OVOL1: variants seen among roughly 807,000 people sequenced by gnomAD.
The protein encoded by OVOL1 is ovo like transcriptional repressor 1.
Under a neutral mutation model 21.5 loss-of-function variants are expected in OVOL1, and 10 were observed. The ratio of observed to expected loss-of-function variants is 0.46; its 90% CI spans 0.29 to 0.79. The LOEUF is 0.79. Ranked by LOEUF, OVOL1 falls within the 30% of genes least tolerant of loss-of-function variation. OVOL1 has a pLI of 0.10. For missense variants in OVOL1, 279 were observed against 362.3 expected (o/e 0.77, Z 1.87); for synonymous variants, 129 against 150.3 (o/e 0.86, Z 1.03).
intron 1 of OVOL1, among the ~76,000 whole-genome samples, chr11:65,788,212 C>T (rs1857942210): frequency 6.6e-6 from 1 of 152,248 alleles, no homozygotes; most frequent in Admixed American, 6.5e-5. Context: ...GAGCCCACCC[C>T]ACAGCGGAGG....
chr11:65,789,487 A>G (rs1429658159), intron 1 of OVOL1: 1 of 160,820 alleles, frequency 6.2e-6, no homozygotes, highest in Non-Finnish European at 1.3e-5. Flanking sequence ...TTTACCTCTG[A>G]AAGTCATGTG....
chr11:65,789,228 A>ACTTCCACTGTGGC, intron 1 of OVOL1: 1 of 293,786 alleles, frequency 3.4e-6, no homozygotes, highest in Non-Finnish European at 5.1e-6. Context: ...TCCAGTGGCC[A>ACTTCCACTGTGGC]CAGTGGAAGT....
At chr11:65,787,987 G>C (rs4930319) in intron 1 of OVOL1, among the ~76,000 whole-genome samples, 42,925 of 152,028 alleles carry the variant, frequency 0.28, 7,169 homozygotes, top group South Asian at 0.37. Context: ...CTGGTGGCCG[G>C]GTCGGAGTGA....
chr11:65,787,457 C>G lies in OVOL1; in HGVS notation c.84C>G (p.Gly28=). 2 of 1,576,316 alleles carry G rather than the reference C, an allele frequency of 1.3e-6. No homozygotes were observed. The highest frequency in any genetic ancestry group is 1.7e-6 in the Non-Finnish European group (2 of 1,161,106). The change falls in exon 1 of 4, where the codon GGC becomes GGG. Residue 28 remains glycine, a synonymous_variant. Coordinates refer to ENST00000335987, the MANE Select transcript of OVOL1 (RefSeq NM_004561.4). ...NWSELPDEER[G]EIYVPVSLGF... The stretch of plus-strand genomic sequence containing the variant: ...GCGAGCTCCCCGACGAGGAGCGCGG[C>G]GAGATCTACGTGCCAGGTGAGGCTC...
chr11:65,794,912 G>A, intron 3 of OVOL1, 134 bp from the exon 4 acceptor site: 1 of 1,020,386 alleles, frequency 9.8e-7, no homozygotes, highest in Non-Finnish European at 1.4e-6. Flanking sequence ...CACTCGGGAA[G>A]TTGGTGTTGG....
intron 1 of OVOL1, chr11:65,788,483 G>C: frequency 2.0e-6 from 2 of 984,556 alleles, no homozygotes; most frequent in Non-Finnish European, 2.4e-6. Flanking sequence ...AGGGGGGAGG[G>C]GAGGAGTAAT....
chr11:65,794,374 AGAG>A lies in OVOL1; in HGVS notation c.318+130_318+132del. 4 of 1,114,210 alleles carry A rather than the reference AGAG, an allele frequency of 3.6e-6. No individual in the cohort carries two copies. In the South Asian group the frequency reaches 4.3e-5, roughly 12 times the overall value. The allele number at this position is 1,114,210 out of a possible 1,614,324, so 69.0% of individuals were successfully genotyped here. ...CTGGGACCTGGGCCAAGGTTTCTGC[AGAG>A]GAGTGCCGATCTCCGGGCAGACGGC... is the stretch of plus-strand genomic sequence containing the variant. On this transcript the variant is annotated intron_variant, in intron 2 of 3. Coordinates refer to ENST00000335987, the MANE Select transcript of OVOL1 (RefSeq NM_004561.4).
Position 65,795,255 on chromosome 11 carries a change from C to G in OVOL1, c.718C>G (p.Pro240Ala). 1.2e-6 allele frequency: 2 copies of G among 1,613,600 alleles called. No homozygotes were observed. Among genetic ancestry groups the G allele is most frequent in the Non-Finnish European group, 1.7e-6 (2 of 1,180,008 alleles). ...LHLKEHHPDSPLLRKTSKKVA... is the reference protein window; with the variant it reads ...LHLKEHHPDSALLRKTSKKVA... Reference sequence around the variant, plus strand: ...CCTGAAGGAGCACCACCCTGACAGCCCGCTGCTGCGCAAGACCTCCAAGAA... The same window carrying G: ...CCTGAAGGAGCACCACCCTGACAGCGCGCTGCTGCGCAAGACCTCCAAGAA... Residue 240 changes from proline to alanine, a missense_variant, in exon 4 of 4, where the codon CCG becomes GCG. Physicochemically the swap from Pro to Ala is conservative, Grantham distance 27 (BLOSUM62 -1). Coordinates refer to ENST00000335987, the MANE Select transcript of OVOL1 (RefSeq NM_004561.4). This position sits in a 1 kb window ranked among gnomAD's most constrained non-coding sequence, Gnocchi z 5.7.
At chr11:65,791,974 A>C (rs1024650707) in intron 1 of OVOL1, among the ~76,000 whole-genome samples, 3 of 152,224 alleles carry the variant, frequency 2.0e-5, no homozygotes, top group Non-Finnish European at 4.4e-5. Flanking sequence ...TGGGGGTGGC[A>C]GGGAGACAGG....
At chr11:65,794,907 G>A (rs1460482649) in intron 3 of OVOL1, 139 bp from the exon 4 acceptor site, 5 of 1,001,388 alleles carry the variant, frequency 5.0e-6, no homozygotes, top group East Asian at 2.6e-5. Context: ...AGAGTCACTC[G>A]GGAAGTTGGT....
At position 65,795,031 on chromosome 11, in the gene OVOL1, C is replaced by T; in HGVS notation, c.509-15C>T. 1 of 1,608,344 alleles carries T rather than the reference C, an allele frequency of 6.2e-7. No homozygotes were observed. The highest frequency in any genetic ancestry group is 8.5e-7 in the Non-Finnish European group (1 of 1,177,734). The stretch of plus-strand genomic sequence containing the variant: ...CCTGCCAGGTCTCTGATGCTGGCCC[C>T]TGTCCTCCCCACAGGCGTGCGGCCC... On this transcript the variant is annotated splice_polypyrimidine_tract_variant and intron_variant, in intron 3 of 3. Coordinates refer to ENST00000335987, the MANE Select transcript of OVOL1 (RefSeq NM_004561.4). The surrounding 1 kb of genome is among the most constrained non-coding windows in gnomAD (Gnocchi z 5.7).
At chr11:65,787,565 G>A (rs1857929319) in intron 1 of OVOL1, 92 bp downstream of exon 1, 2 of 660,676 alleles carry the variant, frequency 3.0e-6, no homozygotes, top group Non-Finnish European at 3.9e-6. Context: ...GAGCCAGGCG[G>A]CAGGCGCGGT....
chr11:65,794,732 G>C lies in OVOL1; in HGVS notation c.508+5G>C. The C allele has an allele frequency of 6.2e-7, 1 of 1,612,914 alleles. No homozygotes were observed. On this transcript the variant is annotated splice_donor_5th_base_variant and intron_variant, in intron 3 of 3. Coordinates refer to ENST00000335987, the MANE Select transcript of OVOL1 (RefSeq NM_004561.4). ...GACACGTCCGAACTCACACTGGTAA[G>C]TGGAAGCCCACGGCTGGGAGGAGCA...
In OVOL1 at chr11:65,787,201, T is replaced by C. The variant is rs374781811; in HGVS notation, c.-173T>C. ...GGAAGACGGCGACATTCCGCGGAGG[T>C]GGAACCGCCGCGCGCCGTCCGGGCT... On this transcript the variant is annotated 5_prime_UTR_variant, in exon 1 of 4. Coordinates refer to ENST00000335987, the MANE Select transcript of OVOL1 (RefSeq NM_004561.4). 4.0e-6 allele frequency: 2 copies of C among 498,368 alleles called. No homozygotes were observed. Among genetic ancestry groups the C allele is most frequent in the African/African-American group, 2.1e-5 (1 of 48,710 alleles). The allele number at this position is 498,368 out of a possible 1,614,324, so 30.9% of individuals were successfully genotyped here. A position where few individuals can be genotyped will look rare whatever the true frequency, so the allele number is the denominator to read the frequency against.
In OVOL1 at chr11:65,794,602, C is replaced by A; in HGVS notation, c.383C>A (p.Thr128Asn). ...TGCCGTGTCTGCCAGAAGGCCTTCA[C>A]CTACCAGCGCATGCTGAACCGCCAC... Reference protein sequence around the residue: ...FTCRVCQKAFTYQRMLNRHMK... With the variant: ...FTCRVCQKAFNYQRMLNRHMK... Residue 128 changes from threonine (T) to asparagine (N), a missense_variant, in exon 3 of 4, where the codon ACC becomes AAC. By Grantham distance (65) the Thr-to-Asn change is moderately conservative (BLOSUM62 0). Transcript: ENST00000335987. 1 of 1,613,554 alleles carries A rather than the reference C, an allele frequency of 6.2e-7. No homozygotes were observed. The highest frequency in any genetic ancestry group is 8.5e-7 in the Non-Finnish European group (1 of 1,180,036).
At chr11:65,787,846 T>A (rs1857934530) in intron 1 of OVOL1, among the ~76,000 whole-genome samples, 1 of 151,828 alleles carries the variant, frequency 6.6e-6, no homozygotes, top group Admixed American at 6.6e-5. Flanking sequence ...GGGACTCGCA[T>A]GAGGCGGGAG....
intron 1 of OVOL1, 78 bp from the exon 2 acceptor site, chr11:65,793,951 TCA>T (rs1858073571): frequency 1.7e-6 from 2 of 1,161,666 alleles, no homozygotes; most frequent in Non-Finnish European, 2.5e-6. Flanking sequence ...TCCAGCCGTC[TCA>T]TGGCTAGGGA....
Position 65,787,324 on chromosome 11 carries a change from C to T in OVOL1, c.-50C>T, listed in dbSNP as rs1857924487. 1.4e-6 allele frequency: 2 copies of T among 1,474,016 alleles called. No individual in the cohort carries two copies. Among genetic ancestry groups the T allele is most frequent in the East Asian group, 5.1e-5 (2 of 38,900 alleles). 91.3% of individuals were successfully genotyped at this position (1,474,016 alleles called of 1,614,324 possible). A position where few individuals can be genotyped will look rare whatever the true frequency, so the allele number is the denominator to read the frequency against. On this transcript the variant is annotated 5_prime_UTR_variant, in exon 1 of 4. Transcript: ENST00000335987. ...CCGGCCCCGCAAAGGTGGGACGGCT[C>T]CCGGCTTCAGTTACGGAAGCGGCCC...
chr11:65,790,078 G>GT (rs1555025132), intron 1 of OVOL1: 1 of 107,566 alleles, frequency 9.3e-6, no homozygotes, highest in Non-Finnish European at 1.8e-5. Context: ...GCCTTCCTTT[G>GT]TTATGTCAAT....
Sources: gnomAD v4.1 joint callset for allele counts (sites outside exome capture counted in the v4.1 genomes callset) on GRCh38, gnomAD v4.1.1 for gene constraint, Gnocchi (gnomAD v3.1) non-coding constraint, MANE v1.5 for transcripts, NCBI Gene and HGNC (gene_info 2026-07-23, HGNC 2026-07-21) for gene names.